The following WHRN variants were observed in gnomAD, a reference collection of about 807,000 sequenced individuals.
The protein encoded by WHRN is whirlin.
A neutral mutation model predicts 68.3 loss-of-function variants in WHRN; 41 were observed. The observed-to-expected ratio is 0.60, with a 90% CI of 0.47 to 0.78. The LOEUF (loss-of-function observed/expected upper bound fraction) is 0.78, where lower values mean the gene tolerates loss of function less well. Ranked by LOEUF, WHRN falls within the 30% of genes least tolerant of loss-of-function variation. WHRN has a pLI of 0.00. For missense variants in WHRN, 1,243 were observed against 1,244.7 expected (o/e 1.00, Z 0.02); for synonymous variants, 560 against 561.3 (o/e 1.00, Z 0.03).
rs150315352 is a variant in WHRN, at chr9:114,429,107, T to C, written c.964-2694A>G. On this transcript the variant is annotated intron_variant, in intron 3 of 11. Coordinates refer to ENST00000362057, the MANE Select transcript of WHRN (RefSeq NM_015404.4). Reference sequence around the variant, plus strand: ...CACCACGCCCAGCTAACTTTTTGTATTTTAGTAGAGGTGGGGTTTTGCCAT... The same window carrying C: ...CACCACGCCCAGCTAACTTTTTGTACTTTAGTAGAGGTGGGGTTTTGCCAT... Among the ~76,000 whole-genome samples the C allele has an allele frequency of 3.6e-3, 544 of 152,242 alleles. 1 individual carries two copies. Among genetic ancestry groups the C allele is most frequent in the African/African-American group, 0.013 (521 of 41,544 alleles).
chr9:114,489,520 A>ACACGCGTG (rs1842811314), intron 1 of WHRN, among the ~76,000 whole-genome samples: 2 of 7,146 alleles, frequency 2.8e-4, no homozygotes, highest in Non-Finnish European at 0.017. Flanking sequence ...ACGCGTGCAC[A>ACACGCGTG]CACACACACA....
intron 3 of WHRN, among the ~76,000 whole-genome samples, chr9:114,451,936 T>C (rs1284471579): frequency 3.3e-5 from 5 of 152,184 alleles, no homozygotes; most frequent in Non-Finnish European, 5.9e-5. Context: ...GCAGGGATGC[T>C]GGGAGCATTA....
At position 114,424,512 on chromosome 9, in the gene WHRN, A is replaced by T. The variant is rs1836631124; in HGVS notation, c.1238T>A (p.Val413Glu). Residue 413 changes from valine (V) to glutamate (E), a missense_variant, in exon 6 of 12, where the codon GTG becomes GAG. Coordinates refer to ENST00000362057, the MANE Select transcript of WHRN (RefSeq NM_015404.4). The part of the protein sequence containing the change: ...GFYKGPAGSQ[V>E]TLSSLGNQTR... Reference sequence around the variant, plus strand: ...CTGGTTCCCCAGGCTGCTCAGGGTCACCTGGGAGCCGGCTGGGCCCTTGTA... The same window carrying T: ...CTGGTTCCCCAGGCTGCTCAGGGTCTCCTGGGAGCCGGCTGGGCCCTTGTA... 1 of 1,613,810 alleles carries T rather than the reference A, an allele frequency of 6.2e-7. No individual in the cohort carries two copies. The highest frequency in any genetic ancestry group is 1.3e-5 in the African/African-American group (1 of 75,040).
In WHRN at chr9:114,466,745, G is replaced by GAGGC. The variant is rs1267891972; in HGVS notation, c.838-357_838-354dup. ...CACGCCACAGTGGCCACGTTCACCT[G>GAGGC]AGGCTTCAGTCGGGGGGTGACTGTT... On this transcript the variant is annotated intron_variant, in intron 2 of 11. Transcript: ENST00000362057. Among the ~76,000 whole-genome samples the GAGGC allele has an allele frequency of 2.6e-5, 4 of 152,248 alleles. No individual in the cohort carries two copies. In the East Asian group the frequency reaches 7.7e-4, roughly 29 times the overall value.
chr9:114,409,084 G>A (rs1835243084), intron 7 of WHRN, among the ~76,000 whole-genome samples: 1 of 152,144 alleles, frequency 6.6e-6, no homozygotes, highest in Non-Finnish European at 1.5e-5. Flanking sequence ...CTCCATCATT[G>A]CGTGGGCCAA....
intron 8 of WHRN, among the ~76,000 whole-genome samples, chr9:114,407,520 T>C (rs1251934483): frequency 6.6e-6 from 1 of 152,198 alleles, no homozygotes; most frequent in African/African-American, 2.4e-5. Context: ...CACTCCCCTC[T>C]GCCTAGGTCA....
At chr9:114,491,000 CT>C (rs902417052) in intron 1 of WHRN, among the ~76,000 whole-genome samples, 4 of 151,588 alleles carry the variant, frequency 2.6e-5, no homozygotes, top group East Asian at 1.9e-4. Context: ...TCTGTTTATT[CT>C]TTTTTTTTCT....
intron 3 of WHRN, among the ~76,000 whole-genome samples, chr9:114,446,646 A>G (rs1240017658): frequency 6.6e-6 from 1 of 152,136 alleles, no homozygotes; most frequent in Admixed American, 6.5e-5. Context: ...TAAAACTCAA[A>G]ACAAACAAAG....
intron 3 of WHRN, among the ~76,000 whole-genome samples, chr9:114,445,966 C>A (rs1391401303): frequency 6.6e-6 from 1 of 152,108 alleles, no homozygotes; most frequent in Non-Finnish European, 1.5e-5. Flanking sequence ...GCAACTATTA[C>A]AAGTTGTACC....
chr9:114,441,257 G>C (rs1380857012), intron 3 of WHRN, among the ~76,000 whole-genome samples: 1 of 151,830 alleles, frequency 6.6e-6, no homozygotes, highest in Admixed American at 6.6e-5. Context: ...GCTATCAATA[G>C]TTAAGTTTTT....
intron 3 of WHRN, among the ~76,000 whole-genome samples, chr9:114,434,678 G>A (rs1309575853): frequency 6.6e-6 from 1 of 152,138 alleles, no homozygotes; most frequent in African/African-American, 2.4e-5. Flanking sequence ...GATCCCAGCT[G>A]TCCTTGTCTC....
chr9:114,482,815 G>A (rs564248971), intron 1 of WHRN, among the ~76,000 whole-genome samples: 1 of 152,344 alleles, frequency 6.6e-6, no homozygotes, highest in East Asian at 1.9e-4. Context: ...GAACGGAGAG[G>A]TTAATGCCCT....
intron 9 of WHRN, among the ~76,000 whole-genome samples, chr9:114,405,884 C>T (rs943366635): frequency 2.0e-5 from 3 of 152,238 alleles, no homozygotes; most frequent in African/African-American, 7.2e-5. Context: ...CGGGGCACAG[C>T]GTCAGCTGGC....
In WHRN at chr9:114,406,633, G is replaced by C. The variant is rs1423837102; in HGVS notation, c.1958C>G (p.Ser653Cys). The change falls in exon 9 of 12, where the codon TCC (serine) becomes TGC (cysteine). Residue 653 changes from serine (S) to cysteine (C), a missense_variant. Ser to Cys is a moderately radical substitution (Grantham distance 112, BLOSUM62 -1). Transcript: ENST00000362057. ...QDLPSSPIYA[S>C]VSPANPSSKR... The stretch of plus-strand genomic sequence containing the variant: ...GGAGCTGGGGTTGGCAGGGGAGACG[G>C]AGGCATAGATGGGGGAAGAGGGCAA... 5 of 1,612,174 alleles carry C rather than the reference G, an allele frequency of 3.1e-6. No individual in the cohort carries two copies. The highest frequency in any genetic ancestry group is 4.2e-6 in the Non-Finnish European group (5 of 1,178,608).
chr9:114,458,387 C>T (rs1236083575), intron 3 of WHRN, among the ~76,000 whole-genome samples: 1 of 152,130 alleles, frequency 6.6e-6, no homozygotes. Flanking sequence ...AGTAGAAGCA[C>T]AAAAATGTAG....
intron 1 of WHRN, among the ~76,000 whole-genome samples, chr9:114,484,517 G>A (rs899094982): frequency 1.3e-5 from 2 of 152,136 alleles, no homozygotes; most frequent in African/African-American, 2.4e-5. Context: ...GGAATTCAAT[G>A]AGCTACGGCT....
chr9:114,459,587 G>A (rs1052623602), intron 3 of WHRN, among the ~76,000 whole-genome samples: 1 of 152,192 alleles, frequency 6.6e-6, no homozygotes, highest in Admixed American at 6.5e-5. Context: ...GAAGGCAAGT[G>A]GGGAGAACAG....
intron 1 of WHRN, among the ~76,000 whole-genome samples, chr9:114,493,016 C>A (rs1462474397): frequency 2.0e-5 from 3 of 150,918 alleles, no homozygotes; most frequent in Middle Eastern, 3.2e-3. Flanking sequence ...GGCCCTATCT[C>A]AAAAAAAGAA....
At chr9:114,431,169 C>G (rs1424554297) in intron 3 of WHRN, among the ~76,000 whole-genome samples, 2 of 152,172 alleles carry the variant, frequency 1.3e-5, no homozygotes, top group Non-Finnish European at 2.9e-5. Context: ...GTTTTAAAGC[C>G]AGGCAACCGT....
Sources: allele counts gnomAD v4.1 joint callset (sites outside exome capture counted in the v4.1 genomes callset), GRCh38; gene constraint gnomAD v4.1.1; transcripts MANE v1.5; gene names NCBI Gene and HGNC (gene_info 2026-07-23, HGNC 2026-07-21).